MECOM: variants seen among roughly 807,000 people sequenced by gnomAD.
MECOM encodes histone-lysine N-methyltransferase MECOM.
MECOM carries 13 observed loss-of-function variants against 116.3 expected under a neutral mutation model. The ratio of observed to expected loss-of-function variants is 0.11; its 90% CI spans 0.07 to 0.18. The LOEUF (loss-of-function observed/expected upper bound fraction) is 0.18, where lower values mean the gene tolerates loss of function less well. Among genes scored for constraint, MECOM ranks in the 10% least tolerant of loss-of-function variants. MECOM has a pLI of 1.00. For synonymous variants in MECOM, 528 were observed against 535.2 expected (o/e 0.99, Z 0.19); for missense variants, 1,299 against 1,509.0 (o/e 0.86, Z 2.31).
rs1725434827 is a variant in MECOM at position 169,106,368 on chromosome 3, C to T, written c.2604+1558G>A. Among the ~76,000 whole-genome samples, 3 of 152,046 alleles carry T rather than the reference C, an allele frequency of 2.0e-5. No individual in the cohort carries two copies. In the South Asian group the frequency reaches 6.2e-4, roughly 31 times the overall value. On this transcript the variant is annotated intron_variant, in intron 10 of 16. Coordinates refer to ENST00000651503, the MANE Select transcript of MECOM (RefSeq NM_004991.4). ...GATACATGAGATGTTTTCATACAGGCATACAACGTGAAATAATCATATCAC... is the reference window on the plus strand; with the variant it reads ...GATACATGAGATGTTTTCATACAGGTATACAACGTGAAATAATCATATCAC...
chr3:169,491,636 T>A (rs1005934492), intron 1 of MECOM, among the ~76,000 whole-genome samples: 2 of 152,194 alleles, frequency 1.3e-5, no homozygotes, highest in Non-Finnish European at 2.9e-5. Flanking sequence ...CATATCCCAA[T>A]GTTTGGGACC....
At chr3:169,545,601 C>A (rs1392512676) in intron 1 of MECOM, among the ~76,000 whole-genome samples, 1 of 152,152 alleles carries the variant, frequency 6.6e-6, no homozygotes, top group Non-Finnish European at 1.5e-5. Flanking sequence ...TAGGCTCTTT[C>A]TTCTCTACAG....
intron 3 of MECOM, among the ~76,000 whole-genome samples, chr3:169,139,456 A>G (rs534839123): frequency 1.3e-5 from 2 of 152,172 alleles, no homozygotes; most frequent in East Asian, 3.9e-4. Flanking sequence ...ACATTATCCC[A>G]AAGTACTCGC....
chr3:169,146,775 C>A, intron 2 of MECOM: 2 of 1,145,954 alleles, frequency 1.7e-6, no homozygotes, highest in African/African-American at 3.2e-5. Flanking sequence ...ACAGAAGAAT[C>A]AAAATAAACA....
At chr3:169,487,346 G>A (rs546272030) in intron 1 of MECOM, among the ~76,000 whole-genome samples, 41 of 150,142 alleles carry the variant, frequency 2.7e-4, no homozygotes, top group African/African-American at 8.6e-4. Flanking sequence ...AAGGTGAAAC[G>A]AAAACACTTG....
At chr3:169,524,256 T>A (rs765575536) in intron 1 of MECOM, among the ~76,000 whole-genome samples, 7 of 152,000 alleles carry the variant, frequency 4.6e-5, no homozygotes, top group Non-Finnish European at 8.8e-5. Context: ...TCCTGTGAGG[T>A]AGGACCAAAG....
intron 2 of MECOM, among the ~76,000 whole-genome samples, chr3:169,322,495 A>C (rs1183225925): frequency 1.3e-5 from 2 of 152,330 alleles, no homozygotes; most frequent in East Asian, 3.9e-4. Flanking sequence ...TAAAAATCAC[A>C]TGAAAACTTT....
At chr3:169,388,216 G>A (rs970143213) in intron 1 of MECOM, among the ~76,000 whole-genome samples, 3 of 152,116 alleles carry the variant, frequency 2.0e-5, no homozygotes, top group Non-Finnish European at 4.4e-5. Context: ...GAAGGGAGGG[G>A]GAAGACATCA....
intron 10 of MECOM, 61 bp from the exon 11 acceptor site, chr3:169,102,287 T>C: frequency 6.7e-7 from 1 of 1,485,996 alleles, no homozygotes; most frequent in Non-Finnish European, 9.1e-7. Context: ...TAATAATCTC[T>C]GGCAAACCAA....
chr3:169,242,376 C>G (rs945707359), intron 2 of MECOM, among the ~76,000 whole-genome samples: 1 of 152,118 alleles, frequency 6.6e-6, no homozygotes, highest in South Asian at 2.1e-4. Flanking sequence ...TGTCTCAAGT[C>G]TATGAGCTAC....
At chr3:169,506,514 G>C (rs1488314180) in intron 1 of MECOM, among the ~76,000 whole-genome samples, 1 of 151,108 alleles carries the variant, frequency 6.6e-6, no homozygotes, top group Non-Finnish European at 1.5e-5. Flanking sequence ...CCCACAGACT[G>C]TGCATTTAAT....
At chr3:169,362,068 T>C (rs1455888995) in intron 2 of MECOM, among the ~76,000 whole-genome samples, 1 of 151,908 alleles carries the variant, frequency 6.6e-6, no homozygotes, top group African/African-American at 2.4e-5. Context: ...GGAGAAATGA[T>C]AAAACAAGTA....
chr3:169,258,193 C>A (rs1273477843), intron 2 of MECOM, among the ~76,000 whole-genome samples: 1 of 151,860 alleles, frequency 6.6e-6, no homozygotes, highest in African/African-American at 2.4e-5. Context: ...GCTCTCCAGC[C>A]TGGGTGACAG....
At chr3:169,214,814 T>C (rs1751219899) in intron 2 of MECOM, among the ~76,000 whole-genome samples, 1 of 148,640 alleles carries the variant, frequency 6.7e-6, no homozygotes. Context: ...TATATATTTA[T>C]ATATGTCTAG....
chr3:169,433,736 G>C (rs1040259983), intron 1 of MECOM, among the ~76,000 whole-genome samples: 5 of 152,126 alleles, frequency 3.3e-5, no homozygotes, highest in Non-Finnish European at 5.9e-5. Context: ...ATAACATTGA[G>C]AGCAGTAGTT....
At chr3:169,110,303 A>T (rs918218193) in intron 9 of MECOM, among the ~76,000 whole-genome samples, 1 of 152,116 alleles carries the variant, frequency 6.6e-6, no homozygotes, top group Non-Finnish European at 1.5e-5. Flanking sequence ...AAATATTTAT[A>T]TTTATAATAA....
chr3:169,387,621 T>C (rs1016077410), intron 1 of MECOM, among the ~76,000 whole-genome samples: 1 of 152,234 alleles, frequency 6.6e-6, no homozygotes, highest in African/African-American at 2.4e-5. Context: ...CATATATACA[T>C]ACTTTGACTA....
chr3:169,592,505 G>T (rs1325712930), intron 1 of MECOM, among the ~76,000 whole-genome samples: 7 of 152,054 alleles, frequency 4.6e-5, no homozygotes, highest in Admixed American at 4.6e-4. Context: ...ACCCTCTGGG[G>T]TGTCCACCGC....
At chr3:169,597,542 A>AGAGCAGAT (rs1450100598) in intron 1 of MECOM, among the ~76,000 whole-genome samples, 9 of 152,262 alleles carry the variant, frequency 5.9e-5, no homozygotes, top group Admixed American at 5.9e-4. Flanking sequence ...GAATGGGCAC[A>AGAGCAGAT]GAGCAGATGA....
Sources: allele counts gnomAD v4.1 joint callset (sites outside exome capture counted in the v4.1 genomes callset), GRCh38; gene constraint gnomAD v4.1.1; transcripts MANE v1.5; gene names NCBI Gene and HGNC (gene_info 2026-07-23, HGNC 2026-07-21).